The following ITGA9 variants were observed in gnomAD, a reference collection of about 807,000 sequenced individuals.
ITGA9 encodes integrin subunit alpha 9.
A neutral mutation model predicts 127.8 loss-of-function variants in ITGA9; 56 were observed. The ratio of observed to expected loss-of-function variants is 0.44; its 90% CI spans 0.35 to 0.55. The LOEUF (loss-of-function observed/expected upper bound fraction) is 0.55. Ranked by LOEUF, ITGA9 falls within the 20% of genes least tolerant of loss-of-function variation. ITGA9 has a pLI of 0.00. For missense variants in ITGA9, 1,196 were observed against 1,347.1 expected (o/e 0.89, Z 1.76); for synonymous variants, 508 against 514.5 (o/e 0.99, Z 0.17).
chr3:37,618,245 TG>T (rs1350150676), intron 15 of ITGA9, among the ~76,000 whole-genome samples: 1 of 152,242 alleles, frequency 6.6e-6, no homozygotes, highest in Non-Finnish European at 1.5e-5. Flanking sequence ...CCTGTTTGCC[TG>T]GGTATCAGCA....
At chr3:37,609,733 G>T (rs1700000002) in intron 15 of ITGA9, among the ~76,000 whole-genome samples, 1 of 152,208 alleles carries the variant, frequency 6.6e-6, no homozygotes, top group African/African-American at 2.4e-5. Context: ...TAGGACCTCA[G>T]CTGGGAGAGA....
At chr3:37,484,636 T>G (rs1353427902) in intron 4 of ITGA9, among the ~76,000 whole-genome samples, 3 of 152,040 alleles carry the variant, frequency 2.0e-5, no homozygotes, top group African/African-American at 7.2e-5. Flanking sequence ...TGGCCTGAGT[T>G]TTTCTTTCTA....
chr3:37,503,157 C>A lies in ITGA9; in HGVS notation c.613-21C>A, dbSNP rs111357377. The A allele has an allele frequency of 6.2e-6, 10 of 1,613,380 alleles. No homozygotes were observed. In the South Asian group the frequency reaches 1.1e-4, roughly 18 times the overall value. On this transcript the variant is annotated intron_variant, in intron 5 of 27. Coordinates refer to ENST00000264741, the MANE Select transcript of ITGA9 (RefSeq NM_002207.3). The stretch of plus-strand genomic sequence containing the variant: ...CCTCCTCACTTCCTTCTCTGCTTAC[C>A]GTTGGATTTCTTTTTGGTAGGAGCT...
At chr3:37,583,133 T>C (rs1432795920) in intron 15 of ITGA9, among the ~76,000 whole-genome samples, 1 of 152,214 alleles carries the variant, frequency 6.6e-6, no homozygotes, top group Non-Finnish European at 1.5e-5. Context: ...TGGGATACTT[T>C]GTTTACAAAT....
At chr3:37,798,532 T>C (rs950454567) in intron 26 of ITGA9, among the ~76,000 whole-genome samples, 4 of 152,180 alleles carry the variant, frequency 2.6e-5, no homozygotes, top group African/African-American at 9.7e-5. Flanking sequence ...GAATCTGCAT[T>C]TTAATAGAGT....
chr3:37,593,377 A>G (rs988473947), intron 15 of ITGA9, among the ~76,000 whole-genome samples: 2 of 152,202 alleles, frequency 1.3e-5, no homozygotes, highest in African/African-American at 4.8e-5. Context: ...TGGATGTGGA[A>G]CCCATAGATA....
At position 37,511,962 on chromosome 3, in the gene ITGA9, CTCTTTCTTTTCTTTTCTTTTCTTT is replaced by C. The variant is rs1297162039; in HGVS notation, c.898-1795_898-1772del. Among the ~76,000 whole-genome samples the C allele has an allele frequency of 2.0e-3, 188 of 93,542 alleles. 15 individuals are homozygous for C. Among genetic ancestry groups the C allele is most frequent in the African/African-American group, 4.7e-3 (142 of 30,356 alleles). 61.4% of individuals were successfully genotyped at this position (93,542 alleles called of 152,430 possible). A position where few individuals can be genotyped will look rare whatever the true frequency, so the allele number is the denominator to read the frequency against. On this transcript the variant is annotated intron_variant, in intron 8 of 27. Coordinates refer to ENST00000264741, the MANE Select transcript of ITGA9 (RefSeq NM_002207.3). ...TTATTTTAAAAGAATAATGCTTTTTCTCTTTCTTTTCTTTTCTTTTCTTTTCTTTTCTTTTCTTTTCTTTTCTTT... is the reference window on the plus strand; with the variant it reads ...TTATTTTAAAAGAATAATGCTTTTTCTCTTTTCTTTTCTTTTCTTTTCTTT...
chr3:37,492,131 G>C (rs1347770756), intron 4 of ITGA9, among the ~76,000 whole-genome samples: 1 of 152,016 alleles, frequency 6.6e-6, no homozygotes, highest in Non-Finnish European at 1.5e-5. Context: ...ACCTTGAAGG[G>C]ATTAATGACA....
chr3:37,746,782 A>C (rs911458553), intron 22 of ITGA9, among the ~76,000 whole-genome samples: 3 of 152,206 alleles, frequency 2.0e-5, no homozygotes, highest in Non-Finnish European at 4.4e-5. Context: ...GGAGTTGGCA[A>C]CCCACTCATC....
intron 16 of ITGA9, among the ~76,000 whole-genome samples, chr3:37,630,682 C>G (rs901854435): frequency 1.3e-5 from 2 of 152,214 alleles, no homozygotes; most frequent in African/African-American, 2.4e-5. Context: ...GGCCACAGTT[C>G]ACAGTGCCCA....
chr3:37,567,762 T>C (rs2125603134), intron 15 of ITGA9, among the ~76,000 whole-genome samples: 2 of 152,336 alleles, frequency 1.3e-5, no homozygotes, highest in African/African-American at 2.4e-5. Flanking sequence ...TTTTACTTCA[T>C]GTCTCACATC....
chr3:37,545,636 C>G (rs1699319057), intron 15 of ITGA9, among the ~76,000 whole-genome samples: 1 of 152,244 alleles, frequency 6.6e-6, no homozygotes, highest in South Asian at 2.1e-4. Flanking sequence ...ACTTCCTTGG[C>G]TTCTCTGCCT....
At chr3:37,457,220 T>C (rs1471915602) in intron 1 of ITGA9, among the ~76,000 whole-genome samples, 3 of 152,218 alleles carry the variant, frequency 2.0e-5, no homozygotes, top group African/African-American at 7.2e-5. Context: ...GCCTGATCTA[T>C]ATTTAGGGCT....
rs558147076 is a variant in ITGA9 at position 37,487,865 on chromosome 3, A to T, written c.544+6258A>T. Among the ~76,000 whole-genome samples the T allele has an allele frequency of 2.0e-5, 3 of 152,210 alleles. No homozygotes were observed. In the South Asian group the frequency reaches 6.2e-4, roughly 32 times the overall value. On this transcript the variant is annotated intron_variant, in intron 4 of 27. Coordinates refer to ENST00000264741, the MANE Select transcript of ITGA9 (RefSeq NM_002207.3). Reference sequence around the variant, plus strand: ...TTTTTTCAATGGCATAATTTTATGAATTTTTGGGACACTACACTATAGACT... The same window carrying T: ...TTTTTTCAATGGCATAATTTTATGATTTTTTGGGACACTACACTATAGACT...
chr3:37,678,836 A>T (rs1279369586), intron 17 of ITGA9, among the ~76,000 whole-genome samples: 1 of 152,222 alleles, frequency 6.6e-6, no homozygotes, highest in East Asian at 1.9e-4. Flanking sequence ...TTGAATGGTA[A>T]TCCTAATGTA....
intron 17 of ITGA9, among the ~76,000 whole-genome samples, chr3:37,683,578 C>A (rs540900320): frequency 1.3e-5 from 2 of 152,194 alleles, no homozygotes; most frequent in African/African-American, 4.8e-5. Context: ...GAATCCCACG[C>A]TTAGGTTGTT....
At chr3:37,645,543 G>A (rs189623578) in intron 16 of ITGA9, among the ~76,000 whole-genome samples, 6 of 152,084 alleles carry the variant, frequency 3.9e-5, no homozygotes, top group East Asian at 1.9e-4. Flanking sequence ...CAGCTTGGGC[G>A]ACAGAACAAG....
intron 13 of ITGA9, among the ~76,000 whole-genome samples, chr3:37,531,238 C>T (rs757989519): frequency 6.6e-6 from 1 of 152,144 alleles, no homozygotes; most frequent in Non-Finnish European, 1.5e-5. Context: ...AGATTAGCTC[C>T]GGGGCAGGTC....
rs1700207928 is a variant in ITGA9 at position 37,629,319 on chromosome 3, A to G, written c.1822A>G (p.Ile608Val). The change falls in exon 16 of 28, where the codon ATT (isoleucine) becomes GTT (valine). Residue 608 changes from isoleucine to valine, a missense_variant. Ile to Val is a conservative substitution (Grantham distance 29, BLOSUM62 3). Coordinates refer to ENST00000264741, the MANE Select transcript of ITGA9 (RefSeq NM_002207.3). The surrounding 1 kb of genome is among the most constrained non-coding windows in gnomAD (Gnocchi z 4.5). ...TCTCCGCTGGAAAAAGGGACAAAAG[A>G]TTGCCCAAAAGAATCAGGTCAGAAC... ...PVLRWKKGQK[I>V]AQKNQTVFER... The G allele has an allele frequency of 6.2e-7, 1 of 1,614,118 alleles. No individual in the cohort carries two copies. Among genetic ancestry groups the G allele is most frequent in the Non-Finnish European group, 8.5e-7 (1 of 1,180,020 alleles).
Sources: gnomAD v4.1 joint callset for allele counts (sites outside exome capture counted in the v4.1 genomes callset) on GRCh38, gnomAD v4.1.1 for gene constraint, Gnocchi (gnomAD v3.1) non-coding constraint, MANE v1.5 for transcripts, NCBI Gene and HGNC (gene_info 2026-07-23, HGNC 2026-07-21) for gene names.